ITGA6: variants seen among roughly 807,000 people sequenced by gnomAD.
The protein encoded by ITGA6 is integrin subunit alpha 6, also known as integrin alpha-6.
In ITGA6, 63 loss-of-function variants were observed where a neutral mutation model predicts 133.6. The ratio of observed to expected loss-of-function variants is 0.47; its 90% CI spans 0.38 to 0.58. The LOEUF is 0.58. Among genes scored for constraint, ITGA6 ranks in the 20% least tolerant of loss-of-function variants. The pLI is 0.00. For synonymous variants in ITGA6, 434 were observed against 482.0 expected (o/e 0.90, Z 1.30); for missense variants, 1,068 against 1,309.4 (o/e 0.82, Z 2.85).
At chr2:172,501,992 C>CTGTTTAA (rs1237613797) in intron 25 of ITGA6, 91 bp downstream of exon 25, 3 of 1,127,214 alleles carry the variant, frequency 2.7e-6, no homozygotes, top group Non-Finnish European at 3.9e-6. Flanking sequence ...TATGTGTGTC[C>CTGTTTAA]CATTAACAGA....
chr2:172,475,640 T>A lies in ITGA6; in HGVS notation c.1224T>A (p.Phe408Leu). 6.2e-7 allele frequency: 1 copy of A among 1,608,934 alleles called. No homozygotes were observed. The highest frequency in any genetic ancestry group is 1.3e-5 in the African/African-American group (1 of 74,958). Reference protein sequence around the residue: ...GAPYDDLGKVFIYHGSANGIN... With the variant: ...GAPYDDLGKVLIYHGSANGIN... ...CGTATGATGACTTGGGAAAGGTTTT[T>A]ATCTATCATGGATCTGCAAATGGAA... is the stretch of plus-strand genomic sequence containing the variant. Residue 408 changes from phenylalanine to leucine, a missense_variant, in exon 8 of 26, where the codon TTT becomes TTA. Around this residue, in one of 3 missense-constraint regions of ITGA6, gnomAD observed 317 missense variants for 456.9 expected, o/e 0.69. Coordinates refer to ENST00000684293, the MANE Select transcript of ITGA6 (RefSeq NM_000210.4).
chr2:172,456,265 A>G (rs567548986), intron 1 of ITGA6, among the ~76,000 whole-genome samples: 1 of 152,352 alleles, frequency 6.6e-6, no homozygotes, highest in Admixed American at 6.5e-5. Flanking sequence ...GCTTACCCTC[A>G]GGTATCCTGA....
chr2:172,464,362 G>T (rs1022232655), intron 1 of ITGA6: 1 of 152,314 alleles, frequency 6.6e-6, no homozygotes, highest in Admixed American at 6.5e-5. Flanking sequence ...TCTGAGATTT[G>T]TGGGTTTCTT....
intron 7 of ITGA6, 61 bp downstream of exon 7, chr2:172,475,183 C>T (rs980873234): frequency 3.4e-5 from 39 of 1,141,606 alleles, no homozygotes; most frequent in Admixed American, 5.1e-5. Flanking sequence ...TAAATAATAG[C>T]GCTGCTGGGC....
chr2:172,497,999 A>G lies in ITGA6; in HGVS notation c.3013A>G (p.Lys1005Glu). The change falls in exon 24 of 26, where the codon AAG becomes GAG. Residue 1005 changes from lysine (K) to glutamate (E), a missense_variant. Around this residue, in one of 3 missense-constraint regions of ITGA6, gnomAD observed 609 missense variants for 707.2 expected, o/e 0.86. Transcript: ENST00000684293. ...GGTTCGAGTGACTGTGTTTCCCTCA[A>G]AGACTGTAGCTCAGTATTCGGGAGT... ...TQVRVTVFPS[K>E]TVAQYSGVPW... 1.9e-6 allele frequency: 3 copies of G among 1,613,950 alleles called. No individual in the cohort carries two copies. The highest frequency in any genetic ancestry group is 1.7e-6 in the Non-Finnish European group (2 of 1,179,898).
chr2:172,491,954 G>A lies in ITGA6; in HGVS notation c.2988+431G>A, dbSNP rs1031084585. Among the ~76,000 whole-genome samples the A allele has an allele frequency of 6.6e-6, 1 of 152,162 alleles. No individual in the cohort carries two copies. The highest frequency in any genetic ancestry group is 1.5e-5 in the Non-Finnish European group (1 of 68,032). Reference sequence around the variant, plus strand: ...GTCCCTGGTTATGCCCCTCAAACAAGTCTAAAATAAGTTCTCTCTCTTGGC... The same window carrying A: ...GTCCCTGGTTATGCCCCTCAAACAAATCTAAAATAAGTTCTCTCTCTTGGC... On this transcript the variant is annotated intron_variant, in intron 23 of 25. Coordinates refer to ENST00000684293, the MANE Select transcript of ITGA6 (RefSeq NM_000210.4). This position sits in a 1 kb window ranked among gnomAD's most constrained non-coding sequence, Gnocchi z 4.4.
At chr2:172,502,096 C>T (rs1296315652) in intron 25 of ITGA6, among the ~76,000 whole-genome samples, 195 bp downstream of exon 25, 2 of 152,086 alleles carry the variant, frequency 1.3e-5, no homozygotes, top group Non-Finnish European at 2.9e-5. Context: ...AATGCACAGT[C>T]TTTCGTTGCA....
At chr2:172,502,007 T>C in intron 25 of ITGA6, 106 bp downstream of exon 25, 2 of 952,882 alleles carry the variant, frequency 2.1e-6, no homozygotes, top group Non-Finnish European at 3.2e-6. Flanking sequence ...AACAGATGTT[T>C]CCAAATGTCC....
chr2:172,468,585 TA>T (rs1173513715), intron 3 of ITGA6, among the ~76,000 whole-genome samples: 1 of 152,238 alleles, frequency 6.6e-6, no homozygotes, highest in African/African-American at 2.4e-5. Flanking sequence ...AAAGTAGGCA[TA>T]TTTTGGGAAA....
intron 5 of ITGA6, among the ~76,000 whole-genome samples, chr2:172,473,178 T>G (rs1269419481): frequency 6.6e-6 from 1 of 152,218 alleles, no homozygotes; most frequent in East Asian, 1.9e-4. Flanking sequence ...GGGGGTGAGC[T>G]TATATTATTC....
intron 4 of ITGA6, among the ~76,000 whole-genome samples, chr2:172,470,640 T>A (rs1053914320): frequency 2.0e-5 from 3 of 152,268 alleles, no homozygotes; most frequent in Admixed American, 6.5e-5. Flanking sequence ...GAATGTAAAA[T>A]ATATATATCA....
intron 24 of ITGA6, 121 bp from the exon 25 acceptor site, chr2:172,501,651 T>G (rs1687351520): frequency 3.4e-6 from 3 of 881,988 alleles, no homozygotes; most frequent in Admixed American, 1.9e-5. Flanking sequence ...GTTGGTTGAC[T>G]GAAAGTGGTC....
At position 172,501,081 on chromosome 2, in the gene ITGA6, A is replaced by G. The variant is rs115022233; in HGVS notation, c.3115-691A>G. Among the ~76,000 whole-genome samples the G allele has an allele frequency of 8.2e-4, 125 of 152,326 alleles. 1 individual carries two copies. Among genetic ancestry groups the G allele is most frequent in the African/African-American group, 2.8e-3 (115 of 41,582 alleles). ...GGAAAAGTTCTCTATCACTGAACGA[A>G]GGAAATTATAGTAGAAAGTGGAATT... On this transcript the variant is annotated intron_variant, in intron 24 of 25. Transcript: ENST00000684293.
Position 172,489,660 on chromosome 2 carries a change from TATG to T in ITGA6, c.2679+3_2679+5del. Reference sequence around the variant, plus strand: ...GAGATAAACTCCCTGAACCTAACGGTATGTCGGTAGATTTATCTAATGTCTCCA... The same window carrying T: ...GAGATAAACTCCCTGAACCTAACGGTTCGGTAGATTTATCTAATGTCTCCA... On this transcript the variant is annotated splice_donor_5th_base_variant and intron_variant, in intron 20 of 25. Transcript: ENST00000684293. 6.2e-7 allele frequency: 1 copy of T among 1,612,324 alleles called. No individual in the cohort carries two copies. The highest frequency in any genetic ancestry group is 8.5e-7 in the Non-Finnish European group (1 of 1,178,456).
intron 1 of ITGA6, among the ~76,000 whole-genome samples, chr2:172,450,968 A>G (rs988736825): frequency 1.5e-4 from 22 of 147,782 alleles, no homozygotes; most frequent in Non-Finnish European, 2.7e-4. Flanking sequence ...ATATATAAAT[A>G]TATTTTGTGT....
chr2:172,456,271 C>T (rs1685204554), intron 1 of ITGA6, among the ~76,000 whole-genome samples: 1 of 152,222 alleles, frequency 6.6e-6, no homozygotes, highest in African/African-American at 2.4e-5. Context: ...CCTCAGGTAT[C>T]CTGATCACGT....
rs769501430 is a variant in ITGA6, at chr2:172,474,966, G to C, written c.1024G>C (p.Asp342His). 5.0e-6 allele frequency: 8 copies of C among 1,587,668 alleles called. No individual in the cohort carries two copies. The highest frequency in any genetic ancestry group is 6.9e-6 in the Non-Finnish European group (8 of 1,155,978). Residue 342 changes from aspartate (D) to histidine (H), a missense_variant, in exon 7 of 26, where the codon GAT (aspartate) becomes CAT (histidine). Transcript: ENST00000684293. ...AGTTATTGGAGCCCCACAGTATTTT[G>C]ATAGAGATGGAGAAGTTGGAGGTGC... ...DIVIGAPQYF[D>H]RDGEVGGAVY...
chr2:172,439,391 C>G (rs779246319), intron 1 of ITGA6, among the ~76,000 whole-genome samples: 4 of 151,512 alleles, frequency 2.6e-5, no homozygotes, highest in Admixed American at 6.6e-5. Context: ...TCTCTTCTTT[C>G]AAGATTATTG....
intron 2 of ITGA6, among the ~76,000 whole-genome samples, chr2:172,467,163 G>A (rs1243130541): frequency 2.0e-5 from 3 of 152,086 alleles, no homozygotes; most frequent in Non-Finnish European, 4.4e-5. Context: ...ATTTTGGAGG[G>A]CTCCCTTAGT....
Sources: allele counts gnomAD v4.1 joint callset (sites outside exome capture counted in the v4.1 genomes callset), GRCh38; gene constraint gnomAD v4.1.1; regional missense constraint gnomAD v4.1.1; non-coding constraint Gnocchi (gnomAD v3.1); transcripts MANE v1.5; gene names NCBI Gene and HGNC (gene_info 2026-07-23, HGNC 2026-07-21).